The following THSD7A variants were observed in gnomAD, a reference collection of about 807,000 sequenced individuals.
The protein encoded by THSD7A is thrombospondin type-1 domain-containing protein 7A.
THSD7A carries 96 observed loss-of-function variants against 231.3 expected under a neutral mutation model. The observed-to-expected ratio is 0.41, with a 90% CI of 0.35 to 0.49. THSD7A has a LOEUF of 0.49. THSD7A is among the 20% of genes least tolerant of loss of function. The pLI is 0.05. For missense variants in THSD7A, 2,290 were observed against 2,070.2 expected (o/e 1.11, Z -2.06); for synonymous variants, 940 against 743.3 (o/e 1.26, Z -4.30).
chr7:11,654,910 G>A (rs1055035773), intron 1 of THSD7A, among the ~76,000 whole-genome samples: 6 of 151,894 alleles, frequency 4.0e-5, no homozygotes, highest in East Asian at 1.9e-4. Context: ...GCAAATGTTC[G>A]ATAAGGAATA....
chr7:11,549,575 A>G (rs1314051807), intron 4 of THSD7A, among the ~76,000 whole-genome samples: 1 of 152,184 alleles, frequency 6.6e-6, no homozygotes, highest in Non-Finnish European at 1.5e-5. Flanking sequence ...TCATACGTAT[A>G]CATTATGGAA....
intron 1 of THSD7A, among the ~76,000 whole-genome samples, chr7:11,772,228 C>T (rs915868074): frequency 6.6e-6 from 1 of 151,474 alleles, no homozygotes; most frequent in African/African-American, 2.4e-5. Flanking sequence ...CAAAACAAAA[C>T]AGATGCTGGC....
At chr7:11,397,484 TC>T in intron 23 of THSD7A, among the ~76,000 whole-genome samples, 1 of 152,248 alleles carries the variant, frequency 6.6e-6, no homozygotes, top group East Asian at 1.9e-4. Flanking sequence ...GCAATACTAT[TC>T]AGGACATAGG....
At chr7:11,795,157 T>G (rs1246336775) in intron 1 of THSD7A, among the ~76,000 whole-genome samples, 1 of 151,832 alleles carries the variant, frequency 6.6e-6, no homozygotes, top group Non-Finnish European at 1.5e-5. Context: ...TTGAGAGAGA[T>G]CTTTCTGTTT....
At chr7:11,376,930 T>C (rs1782298909) in intron 26 of THSD7A, 1 of 277,362 alleles carries the variant, frequency 3.6e-6, no homozygotes, top group Admixed American at 4.9e-5. Flanking sequence ...CAGCTGCCTT[T>C]CATCTCAATT....
In THSD7A at chr7:11,375,430, T is replaced by A; in HGVS notation, c.*364A>T. On this transcript the variant is annotated 3_prime_UTR_variant, in exon 28 of 28. Coordinates refer to ENST00000423059, the MANE Select transcript of THSD7A (RefSeq NM_015204.3). ...TAGAAACTCTTCATGCTAGGAAGTT[T>A]TATGGATTAACACTGCAGACGGTCT... 1 of 170,550 alleles carries A rather than the reference T, an allele frequency of 5.9e-6. No individual in the cohort carries two copies. The highest frequency in any genetic ancestry group is 6.1e-5 in the Admixed American group (1 of 16,414). 10.6% of individuals were successfully genotyped at this position (170,550 alleles called of 1,614,324 possible). A position where few individuals can be genotyped will look rare whatever the true frequency, so the allele number is the denominator to read the frequency against.
intron 9 of THSD7A, among the ~76,000 whole-genome samples, chr7:11,467,420 T>A (rs1785755442): frequency 6.6e-6 from 1 of 152,172 alleles, no homozygotes. Flanking sequence ...TTCCTTGATG[T>A]CTGGGACTGT....
intron 4 of THSD7A, among the ~76,000 whole-genome samples, chr7:11,581,203 C>T (rs1791146414): frequency 6.6e-6 from 1 of 151,908 alleles, no homozygotes; most frequent in African/African-American, 2.4e-5. Flanking sequence ...TTATCATTAT[C>T]ATCATTGTTA....
At chr7:11,765,305 C>G (rs1782998090) in intron 1 of THSD7A, among the ~76,000 whole-genome samples, 1 of 152,096 alleles carries the variant, frequency 6.6e-6, no homozygotes, top group East Asian at 1.9e-4. Flanking sequence ...GATACTTTCT[C>G]ATAGAATTAT....
intron 6 of THSD7A, among the ~76,000 whole-genome samples, chr7:11,510,684 T>C (rs577860853): frequency 6.6e-6 from 1 of 152,266 alleles, no homozygotes; most frequent in East Asian, 1.9e-4. Context: ...CACATGATTA[T>C]CTCAATAGAT....
At chr7:11,775,592 A>G (rs548842322) in intron 1 of THSD7A, among the ~76,000 whole-genome samples, 7 of 152,326 alleles carry the variant, frequency 4.6e-5, no homozygotes, top group African/African-American at 1.7e-4. Flanking sequence ...AAAAGGATAA[A>G]TGCTGACTGC....
In THSD7A at chr7:11,636,954, C is replaced by T. The variant is rs765566337; in HGVS notation, c.198G>A (p.Trp66Ter). ...PTLYLWKTGP[W>*]GRCMGDECGP... ...CACATTCATCTCCCATACATCGGCC[C>T]CATGGACCTACAAAAATTATAACAC... The change falls in exon 2 of 28, where the codon TGG (tryptophan) becomes TGA (stop). Residue 66 changes from tryptophan to a stop codon, truncating the protein, a stop_gained. Coordinates refer to ENST00000423059, the MANE Select transcript of THSD7A (RefSeq NM_015204.3). LOFTEE classifies it high-confidence loss of function. The surrounding 1 kb of genome is among the most constrained non-coding windows in gnomAD (Gnocchi z 10.0). The T allele has an allele frequency of 1.9e-6, 3 of 1,599,114 alleles. No homozygotes were observed. Among genetic ancestry groups the T allele is most frequent in the Non-Finnish European group, 2.6e-6 (3 of 1,173,696 alleles).
In THSD7A at chr7:11,414,907, G is replaced by A. The variant is rs77111680; in HGVS notation, c.3538-2107C>T. Among the ~76,000 whole-genome samples the A allele has an allele frequency of 3.3e-3, 499 of 152,296 alleles. 3 individuals are homozygous for A. The highest frequency in any genetic ancestry group is 0.011 in the African/African-American group (473 of 41,562). ...CTGTATATTCTCCCTACCTAACACCGTTACTGATAGACAGTAAAAGCTTAG... is the reference window on the plus strand; with the variant it reads ...CTGTATATTCTCCCTACCTAACACCATTACTGATAGACAGTAAAAGCTTAG... On this transcript the variant is annotated intron_variant, in intron 17 of 27. Coordinates refer to ENST00000423059, the MANE Select transcript of THSD7A (RefSeq NM_015204.3).
At chr7:11,513,939 G>GCA (rs34548445) in intron 6 of THSD7A, among the ~76,000 whole-genome samples, 6,167 of 149,702 alleles carry the variant, frequency 0.041, 144 homozygotes, top group African/African-American at 0.06. Flanking sequence ...ACGCATAGGT[G>GCA]CACACACACA....
At chr7:11,443,177 G>A (rs924507883) in intron 13 of THSD7A, among the ~76,000 whole-genome samples, 10 of 151,960 alleles carry the variant, frequency 6.6e-5, no homozygotes, top group Non-Finnish European at 4.4e-5. Context: ...TGTTATTCTG[G>A]AAGCTCACAG....
At chr7:11,524,495 T>A (rs1472507599) in intron 6 of THSD7A, among the ~76,000 whole-genome samples, 2 of 152,200 alleles carry the variant, frequency 1.3e-5, no homozygotes, top group Non-Finnish European at 2.9e-5. Context: ...TTGAAACTAA[T>A]TCCCTTCGGA....
chr7:11,534,828 G>C (rs535840057), intron 6 of THSD7A, among the ~76,000 whole-genome samples: 5 of 152,310 alleles, frequency 3.3e-5, no homozygotes, highest in Non-Finnish European at 7.3e-5. Flanking sequence ...TTAACTGAAA[G>C]TTATGCTTTC....
intron 6 of THSD7A, among the ~76,000 whole-genome samples, chr7:11,537,894 T>C (rs1174239063): frequency 6.6e-6 from 1 of 152,198 alleles, no homozygotes; most frequent in Non-Finnish European, 1.5e-5. Context: ...TAGGCCTTCT[T>C]CAGCATTACT....
chr7:11,379,650 G>A lies in THSD7A; in HGVS notation c.4570C>T (p.Pro1524Ser). 1 of 1,588,600 alleles carries A rather than the reference G, an allele frequency of 6.3e-7. No homozygotes were observed. Among genetic ancestry groups the A allele is most frequent in the South Asian group, 1.2e-5 (1 of 86,902 alleles). ...DRSCNPPCSQPHSYCSETKTC... is the reference protein window; with the variant it reads ...DRSCNPPCSQSHSYCSETKTC... ...CATACCTCGCTACAGTACGAGTGGG[G>A]TTGACTACACGGTGGGTTACAAGAC... Residue 1524 changes from proline to serine, a missense_variant, in exon 25 of 28, where the codon CCC becomes TCC. Coordinates refer to ENST00000423059, the MANE Select transcript of THSD7A (RefSeq NM_015204.3).
Sources: gnomAD v4.1 joint callset for allele counts (sites outside exome capture counted in the v4.1 genomes callset) on GRCh38, gnomAD v4.1.1 for gene constraint, Gnocchi (gnomAD v3.1) non-coding constraint, MANE v1.5 for transcripts, NCBI Gene and HGNC (gene_info 2026-07-23, HGNC 2026-07-21) for gene names.